Variants in LAMC1 observed in about 807,000 individuals in gnomAD.
LAMC1 encodes laminin subunit gamma 1.
In LAMC1, 38 loss-of-function variants were observed where a neutral mutation model predicts 173.6. That is an observed-to-expected ratio of 0.22 (90% CI 0.17 to 0.29). The LOEUF is 0.29. Ranked by LOEUF, LAMC1 falls within the 10% of genes least tolerant of loss-of-function variation. The pLI, the probability that LAMC1 is intolerant of heterozygous loss-of-function variation, is 1.00. For synonymous variants in LAMC1, 746 were observed against 749.1 expected, an observed-to-expected ratio of 1.00 and a Z score of 0.07; for missense variants, 1,824 against 2,051.8, an observed-to-expected ratio of 0.89 and a Z score of 2.14.
At chr1:183,058,488 A>G (rs932239567) in intron 1 of LAMC1, among the ~76,000 whole-genome samples, 4 of 152,190 alleles carry the variant, frequency 2.6e-5, no homozygotes, top group African/African-American at 9.7e-5. Context: ...TCCAGCAAAT[A>G]CTCACTGAAA....
In LAMC1 at chr1:183,145,385, GATT is replaced by G. The variant is rs1266283856; in HGVS notation, c.*2601_*2603del. On this transcript the variant is annotated 3_prime_UTR_variant, in exon 28 of 28. Coordinates refer to ENST00000258341, the MANE Select transcript of LAMC1 (RefSeq NM_002293.4). ...GCTGCAGAATGCTGGTTGACACAGGGATTATTATACTGCTATTTTTCCCTGAAT... is the reference window on the plus strand; with the variant it reads ...GCTGCAGAATGCTGGTTGACACAGGGATTATACTGCTATTTTTCCCTGAAT... The G allele has an allele frequency of 6.6e-6, 1 of 152,564 alleles. No individual in the cohort carries two copies. The highest frequency in any genetic ancestry group is 1.5e-5 in the Non-Finnish European group (1 of 68,034). 9.5% of individuals were successfully genotyped at this position (152,564 alleles called of 1,614,324 possible). A position where few individuals can be genotyped will look rare whatever the true frequency, so the allele number is the denominator to read the frequency against.
chr1:183,028,158 C>G (rs966975878), intron 1 of LAMC1, among the ~76,000 whole-genome samples: 1 of 151,822 alleles, frequency 6.6e-6, no homozygotes, highest in Non-Finnish European at 1.5e-5. Context: ...ATTCCTCCCC[C>G]CCCCCACCTC....
chr1:183,129,254 A>T (rs940493197), intron 18 of LAMC1, among the ~76,000 whole-genome samples: 22 of 133,726 alleles, frequency 1.6e-4, no homozygotes, highest in Non-Finnish European at 3.5e-4. Flanking sequence ...GCCCGGGGTA[A>T]TTTTTTTGTA....
chr1:183,084,300 G>A (rs910298728), intron 1 of LAMC1, among the ~76,000 whole-genome samples: 3 of 151,218 alleles, frequency 2.0e-5, no homozygotes, highest in African/African-American at 4.9e-5. Flanking sequence ...CCAAGATCGC[G>A]CCGCCGCACT....
rs1457988982 is a variant in LAMC1 at position 183,117,631 on chromosome 1, T to C, written c.1785T>C (p.Leu595=). 1.6e-5 allele frequency: 26 copies of C among 1,614,212 alleles called. No individual in the cohort carries two copies. The highest frequency in any genetic ancestry group is 2.2e-5 in the Non-Finnish European group (26 of 1,180,038). ...ATACTCGCCTCTCTGCAGAAGACCT[T>C]GTGCTTGAGGGAGCTGGCTTAAGAG... ...RRDTRLSAED[L]VLEGAGLRVS... Residue 595 remains leucine, a synonymous_variant, in exon 10 of 28, where the codon CTT becomes CTC. Coordinates refer to ENST00000258341, the MANE Select transcript of LAMC1 (RefSeq NM_002293.4).
chr1:183,075,029 C>T (rs545012214), intron 1 of LAMC1, among the ~76,000 whole-genome samples: 10 of 151,790 alleles, frequency 6.6e-5, no homozygotes, highest in Middle Eastern at 3.4e-3. Context: ...TCTTGTCTAA[C>T]GGAAAGTATT....
At chr1:183,089,849 C>G (rs1269687549) in intron 1 of LAMC1, among the ~76,000 whole-genome samples, 1 of 152,076 alleles carries the variant, frequency 6.6e-6, no homozygotes, top group African/African-American at 2.4e-5. Flanking sequence ...GGACTAGGCC[C>G]CAGCAGACCA....
chr1:183,092,864 C>T (rs1655600128), intron 1 of LAMC1, among the ~76,000 whole-genome samples: 1 of 152,196 alleles, frequency 6.6e-6, no homozygotes, highest in Non-Finnish European at 1.5e-5. Flanking sequence ...CAGTAGAAAT[C>T]CAGCTGCCAC....
intron 1 of LAMC1, among the ~76,000 whole-genome samples, chr1:183,038,410 A>G (rs1356097964): frequency 1.3e-5 from 2 of 152,096 alleles, no homozygotes; most frequent in Non-Finnish European, 2.9e-5. Flanking sequence ...CGGAGGGCTG[A>G]GTGTTGGGCT....
rs370975994 is a variant in LAMC1, at chr1:183,052,348, T to C, written c.418+28214T>C. ...CTTTCTTTTGTTCTTTCTTTTCTTT[T>C]TTTTTTGACACAGTCTCACTCTGTC... On this transcript the variant is annotated intron_variant, in intron 1 of 27. Coordinates refer to ENST00000258341, the MANE Select transcript of LAMC1 (RefSeq NM_002293.4). Among the ~76,000 whole-genome samples, 65 of 152,292 alleles carry C rather than the reference T, an allele frequency of 4.3e-4. 1 individual carries two copies. The highest frequency in any genetic ancestry group is 1.3e-3 in the African/African-American group (56 of 41,568).
At chr1:183,105,896 A>G (rs572991573) in intron 2 of LAMC1, among the ~76,000 whole-genome samples, 1 of 152,232 alleles carries the variant, frequency 6.6e-6, no homozygotes, top group Non-Finnish European at 1.5e-5. Flanking sequence ...GTTTCACCAT[A>G]TTATAAGTAT....
At chr1:183,126,587 T>C (rs141043394) in intron 16 of LAMC1, among the ~76,000 whole-genome samples, 1 of 152,364 alleles carries the variant, frequency 6.6e-6, no homozygotes, top group Non-Finnish European at 1.5e-5. Context: ...TTGATTGCAT[T>C]CTTAGTGCAG....
In LAMC1 at chr1:183,142,617, G is replaced by C. The variant is rs748067990; in HGVS notation, c.4657G>C (p.Asp1553His). 6 of 1,614,112 alleles carry C rather than the reference G, an allele frequency of 3.7e-6. No homozygotes were observed. In the South Asian group the frequency reaches 6.6e-5, roughly 18 times the overall value. Residue 1553 changes from aspartate (D) to histidine (H), a missense_variant, in exon 28 of 28, where the codon GAT becomes CAT. By Grantham distance (81) the Asp-to-His change is moderately conservative. Transcript: ENST00000258341. ...AGCCAAAGATGAAATGAAGGTCAGC[G>C]ATCTTGATAGGAAAGTGTCTGACCT... ...NKAKDEMKVS[D>H]LDRKVSDLEN...
rs1656699676 is a variant in LAMC1 at position 183,128,851 on chromosome 1, G to A, written c.3280+101G>A. The A allele has an allele frequency of 4.4e-6, 4 of 904,648 alleles. No homozygotes were observed. In the East Asian group the frequency reaches 1.1e-4, roughly 25 times the overall value. The allele number at this position is 904,648 out of a possible 1,614,324, so 56.0% of individuals were successfully genotyped here. A position where few individuals can be genotyped will look rare whatever the true frequency, so the allele number is the denominator to read the frequency against. On this transcript the variant is annotated intron_variant, in intron 18 of 27. Transcript: ENST00000258341. ...TATAGTTTTATAAAATTCTTTCTCAGTTTTTAAACTACTCATAGATTATAA... is the reference window on the plus strand; with the variant it reads ...TATAGTTTTATAAAATTCTTTCTCAATTTTTAAACTACTCATAGATTATAA...
intron 1 of LAMC1, among the ~76,000 whole-genome samples, chr1:183,053,826 A>G (rs916193830): frequency 1.3e-5 from 2 of 151,984 alleles, no homozygotes; most frequent in African/African-American, 2.4e-5. Context: ...GGGTTTTACC[A>G]TGTTGCCCAG....
In LAMC1 at chr1:183,110,667, T is replaced by C; in HGVS notation, c.1021+13T>C. The stretch of plus-strand genomic sequence containing the variant: ...AGTGAATGCCTGCGTGAGTGCCCCA[T>C]GACGTCAGTCTGTCAGTTGTCTTAA... On this transcript the variant is annotated intron_variant, in intron 4 of 27. Transcript: ENST00000258341. 1 of 1,612,632 alleles carries C rather than the reference T, an allele frequency of 6.2e-7. No homozygotes were observed. The highest frequency in any genetic ancestry group is 8.5e-7 in the Non-Finnish European group (1 of 1,179,270).
At chr1:183,137,618 G>A (rs1188864091) in intron 25 of LAMC1, 51 bp from the exon 26 acceptor site, 6 of 1,326,436 alleles carry the variant, frequency 4.5e-6, no homozygotes, top group Non-Finnish European at 6.1e-6. Context: ...GAGCATACTT[G>A]AGAAAAAGGA....
At chr1:183,091,144 T>C (rs1261794219) in intron 1 of LAMC1, among the ~76,000 whole-genome samples, 1 of 152,058 alleles carries the variant, frequency 6.6e-6, no homozygotes, top group African/African-American at 2.4e-5. Context: ...AGAGAAAAAA[T>C]TCAAACTTCC....
At position 183,122,271 on chromosome 1, in the gene LAMC1, C is replaced by T. The variant is rs771866940; in HGVS notation, c.2401+20C>T. 1.9e-6 allele frequency: 3 copies of T among 1,610,534 alleles called. No individual in the cohort carries two copies. In the African/African-American group the frequency reaches 4.0e-5, roughly 22 times the overall value. ...CCACTGGTAAGTCTGCTCGCTTCAT[C>T]TGCTTTCAGTGTTCCCTTCTATAAA... On this transcript the variant is annotated intron_variant, in intron 13 of 27. Coordinates refer to ENST00000258341, the MANE Select transcript of LAMC1 (RefSeq NM_002293.4).
Sources: allele counts gnomAD v4.1 joint callset (sites outside exome capture counted in the v4.1 genomes callset), GRCh38; gene constraint gnomAD v4.1.1; transcripts MANE v1.5; gene names NCBI Gene and HGNC (gene_info 2026-07-23, HGNC 2026-07-21).